Variants in INTS4 observed in about 807,000 individuals in gnomAD.
The protein encoded by INTS4 is integrator complex subunit 4, also known as MSTP093.
Under a neutral mutation model 119.5 loss-of-function variants are expected in INTS4, and 70 were observed. The ratio of observed to expected loss-of-function variants is 0.59; its 90% CI spans 0.48 to 0.71. The LOEUF is 0.71. Among genes scored for constraint, INTS4 ranks in the 30% least tolerant of loss-of-function variants. The pLI, the probability that INTS4 is intolerant of heterozygous loss-of-function variation, is 0.00. For synonymous variants in INTS4, 316 were observed against 419.6 expected, an observed-to-expected ratio of 0.75 and a Z score of 3.02; for missense variants, 867 against 1,173.2, an observed-to-expected ratio of 0.74 and a Z score of 3.81.
Position 77,917,557 on chromosome 11 carries a change from G to T in INTS4, c.1922+1264C>A, listed in dbSNP as rs138234017. Reference sequence around the variant, plus strand: ...ACTCCTAGCCTCAAGTGATCCTCCCGCCTCAGTCTCCCAAAGTGCTGGGAT... The same window carrying T: ...ACTCCTAGCCTCAAGTGATCCTCCCTCCTCAGTCTCCCAAAGTGCTGGGAT... On this transcript the variant is annotated intron_variant, in intron 15 of 22. Transcript: ENST00000534064. 3.3e-3 allele frequency among the ~76,000 whole-genome samples: 497 copies of T among 151,928 alleles called. 4 individuals are homozygous for T. Among genetic ancestry groups the T allele is most frequent in the African/African-American group, 0.011 (449 of 41,480 alleles).
At chr11:77,963,534 CAAT>C (rs1855348903) in intron 4 of INTS4, 7 of 376,178 alleles carry the variant, frequency 1.9e-5, no homozygotes, top group South Asian at 9.9e-5. Context: ...ACCACATCCC[CAAT>C]AATAAGACCA....
chr11:77,886,702 T>C (rs898411580), intron 21 of INTS4, among the ~76,000 whole-genome samples: 7 of 152,082 alleles, frequency 4.6e-5, no homozygotes, highest in Non-Finnish European at 1.0e-4. Context: ...TTGACTCTAG[T>C]CTGGCAGGGT....
At chr11:77,951,802 C>G (rs1378471982) in intron 8 of INTS4, among the ~76,000 whole-genome samples, 1 of 152,102 alleles carries the variant, frequency 6.6e-6, no homozygotes, top group Non-Finnish European at 1.5e-5. Flanking sequence ...ACAATGAACT[C>G]AAACAAATCT....
At chr11:77,950,378 TATC>T (rs1474572534) in intron 8 of INTS4, among the ~76,000 whole-genome samples, 1 of 151,330 alleles carries the variant, frequency 6.6e-6, no homozygotes, top group Non-Finnish European at 1.5e-5. Flanking sequence ...AAAAAATTGA[TATC>T]ATAGAGGCAG....
At position 77,963,457 on chromosome 11, in the gene INTS4, G is replaced by A. The variant is rs1454888587; in HGVS notation, c.472-2319C>T. The A allele has an allele frequency of 7.0e-6, 3 of 430,158 alleles. No homozygotes were observed. The Admixed American group carries it at 8.1e-5, about 12-fold the overall frequency. The allele number at this position is 430,158 out of a possible 1,614,324, so 26.6% of individuals were successfully genotyped here. A position where few individuals can be genotyped will look rare whatever the true frequency, so the allele number is the denominator to read the frequency against. ...TGCTAAGTGTCTGCAGATGCTATTT[G>A]GGTGTTACACATTTTGTCAGGCCAT... On this transcript the variant is annotated intron_variant, in intron 4 of 22. Coordinates refer to ENST00000534064, the MANE Select transcript of INTS4 (RefSeq NM_033547.4).
At chr11:77,924,963 C>T in intron 11 of INTS4, 71 bp from the exon 12 acceptor site, 1 of 1,242,220 alleles carries the variant, frequency 8.1e-7, no homozygotes, top group Non-Finnish European at 1.1e-6. Context: ...CTACCATCCC[C>T]TTCTACCCAG....
In INTS4 at chr11:77,884,905, C is replaced by G. The variant is rs533509099; in HGVS notation, c.2593-953G>C. On this transcript the variant is annotated intron_variant, in intron 21 of 22. Coordinates refer to ENST00000534064, the MANE Select transcript of INTS4 (RefSeq NM_033547.4). The stretch of plus-strand genomic sequence containing the variant: ...GAGGAGTGGGGATTACAGGCACGTG[C>G]CACCACGCCAGGTAATTTTCTTTTT... 1.8e-4 allele frequency: 42 copies of G among 239,100 alleles called. No homozygotes were observed. The South Asian group carries it at 1.9e-3, about 11-fold the overall frequency. 14.8% of individuals were successfully genotyped at this position (239,100 alleles called of 1,614,324 possible). A position where few individuals can be genotyped will look rare whatever the true frequency, so the allele number is the denominator to read the frequency against.
intron 2 of INTS4, among the ~76,000 whole-genome samples, chr11:77,983,551 T>G (rs900465472): frequency 6.6e-6 from 1 of 152,150 alleles, no homozygotes; most frequent in Non-Finnish European, 1.5e-5. Context: ...AAAGAAGATA[T>G]ACAAATGGCC....
chr11:77,934,372 C>T (rs1361503981), intron 10 of INTS4, among the ~76,000 whole-genome samples: 2 of 146,938 alleles, frequency 1.4e-5, no homozygotes, highest in South Asian at 2.2e-4. Flanking sequence ...CTGAGAAACA[C>T]CCAAGAATGA....
intron 18 of INTS4, among the ~76,000 whole-genome samples, chr11:77,900,301 A>G (rs113812943): frequency 0.031 from 4,791 of 152,120 alleles, 120 homozygotes; most frequent in Non-Finnish European, 0.049. Flanking sequence ...GGGTTTCACC[A>G]TGTTAGCCAG....
At chr11:77,961,666 T>C (rs1400128533) in intron 4 of INTS4, among the ~76,000 whole-genome samples, 1 of 152,124 alleles carries the variant, frequency 6.6e-6, no homozygotes, top group Admixed American at 6.6e-5. Context: ...CCACCAAAAA[T>C]AGCTACTATC....
chr11:77,952,259 G>T lies in INTS4; in HGVS notation c.918+3683C>A, dbSNP rs1455207691. Among the ~76,000 whole-genome samples, 9 of 152,288 alleles carry T rather than the reference G, an allele frequency of 5.9e-5. No homozygotes were observed. The East Asian group carries it at 1.2e-3, about 20-fold the overall frequency. ...ACTGGCCAATCCCAATGTGTAACTG[G>T]ATACTCACCAGGAAAGGATTATACG... On this transcript the variant is annotated intron_variant, in intron 8 of 22. Coordinates refer to ENST00000534064, the MANE Select transcript of INTS4 (RefSeq NM_033547.4).
In INTS4 at chr11:77,955,538, C is replaced by T. The variant is rs1021668808; in HGVS notation, c.918+404G>A. Among the ~76,000 whole-genome samples, 4 of 151,466 alleles carry T rather than the reference C, an allele frequency of 2.6e-5. No individual in the cohort carries two copies. The East Asian group carries it at 7.8e-4, about 29-fold the overall frequency. ...GAGATGAGAGTCTCCCCCTTGTCGCCAGGCTGGAGTGCAGCAGCGTGATCT... is the reference window on the plus strand; with the variant it reads ...GAGATGAGAGTCTCCCCCTTGTCGCTAGGCTGGAGTGCAGCAGCGTGATCT... On this transcript the variant is annotated intron_variant, in intron 8 of 22. Transcript: ENST00000534064.
intron 19 of INTS4, 92 bp downstream of exon 19, chr11:77,894,197 AG>A (rs1217890445): frequency 9.6e-5 from 64 of 668,458 alleles, no homozygotes; most frequent in African/African-American, 8.7e-4. Flanking sequence ...AGCTAAACCA[AG>A]GAATGTGATT....
At chr11:77,958,108 T>A (rs546721198) in intron 7 of INTS4, among the ~76,000 whole-genome samples, 1 of 152,242 alleles carries the variant, frequency 6.6e-6, no homozygotes, top group East Asian at 1.9e-4. Context: ...TGGAGCCTAC[T>A]CCTACAGGTT....
chr11:77,925,062 AG>A (rs1043109953), intron 11 of INTS4, among the ~76,000 whole-genome samples, 170 bp from the exon 12 acceptor site: 3 of 152,202 alleles, frequency 2.0e-5, no homozygotes, highest in African/African-American at 7.2e-5. Context: ...TTATTGATAA[AG>A]GACCAGAGGC....
chr11:77,907,255 G>A (rs1372534421), intron 16 of INTS4, among the ~76,000 whole-genome samples: 1 of 152,084 alleles, frequency 6.6e-6, no homozygotes, highest in Non-Finnish European at 1.5e-5. Context: ...AAATTTTCTT[G>A]TAGAGATGAG....
intron 8 of INTS4, among the ~76,000 whole-genome samples, chr11:77,949,061 A>T (rs1954121934): frequency 6.6e-6 from 1 of 152,158 alleles, no homozygotes; most frequent in African/African-American, 2.4e-5. Context: ...GTGAGCTATG[A>T]CTGTGCAATC....
intron 4 of INTS4, among the ~76,000 whole-genome samples, chr11:77,974,995 C>A (rs965676351): frequency 1.3e-5 from 2 of 152,048 alleles, no homozygotes; most frequent in Non-Finnish European, 2.9e-5. Context: ...CTTTCTTGGT[C>A]AATATAACTA....
Sources: gnomAD v4.1 joint callset for allele counts (sites outside exome capture counted in the v4.1 genomes callset) on GRCh38, gnomAD v4.1.1 for gene constraint, MANE v1.5 for transcripts, NCBI Gene and HGNC (gene_info 2026-07-23, HGNC 2026-07-21) for gene names.